The following TMEM117 variants were observed in gnomAD, a reference collection of about 807,000 sequenced individuals.
TMEM117 encodes the protein transmembrane protein 117.
In TMEM117, 27 loss-of-function variants were observed where a neutral mutation model predicts 52.4. The observed-to-expected ratio is 0.51, with a 90% CI of 0.38 to 0.71. The LOEUF (loss-of-function observed/expected upper bound fraction) is 0.71, where lower values mean the gene tolerates loss of function less well. TMEM117 is among the 30% of genes least tolerant of loss of function. TMEM117 has a pLI of 0.00. For missense variants in TMEM117, 556 were observed against 630.5 expected, an observed-to-expected ratio of 0.88 and a Z score of 1.26; for synonymous variants, 215 against 206.3, an observed-to-expected ratio of 1.04 and a Z score of -0.36.
intron 6 of TMEM117, among the ~76,000 whole-genome samples, chr12:44,364,697 A>C (rs2138818245): frequency 6.6e-6 from 1 of 152,244 alleles, no homozygotes; most frequent in South Asian, 2.1e-4. Flanking sequence ...CAAACAAGGA[A>C]GACTTAAGAT....
At chr12:44,268,026 T>A (rs1416252747) in intron 5 of TMEM117, among the ~76,000 whole-genome samples, 1 of 152,214 alleles carries the variant, frequency 6.6e-6, no homozygotes, top group Non-Finnish European at 1.5e-5. Context: ...AGTAGTGGGA[T>A]TCCTTGACCA....
At chr12:43,945,412 C>T (rs926008965) in intron 3 of TMEM117, among the ~76,000 whole-genome samples, 3 of 152,104 alleles carry the variant, frequency 2.0e-5, no homozygotes, top group Admixed American at 2.0e-4. Context: ...CCTCTGCCTC[C>T]CGGGTTCCAG....
At chr12:43,960,760 A>T (rs1945389407) in intron 3 of TMEM117, among the ~76,000 whole-genome samples, 1 of 152,188 alleles carries the variant, frequency 6.6e-6, no homozygotes. Context: ...AACTACATAG[A>T]GCAAAAATAA....
chr12:44,048,434 A>G (rs1206964019), intron 3 of TMEM117, among the ~76,000 whole-genome samples: 1 of 151,690 alleles, frequency 6.6e-6, no homozygotes, highest in Non-Finnish European at 1.5e-5. Context: ...TTTGAGATGG[A>G]TTTAGCTCAT....
chr12:44,177,269 C>A (rs891599421), intron 4 of TMEM117, among the ~76,000 whole-genome samples: 2 of 152,088 alleles, frequency 1.3e-5, no homozygotes, highest in African/African-American at 4.8e-5. Context: ...ATTGTATGTG[C>A]TGGGCAAAAT....
intron 3 of TMEM117, among the ~76,000 whole-genome samples, chr12:43,999,782 G>A (rs1356448244): frequency 2.0e-5 from 3 of 152,116 alleles, no homozygotes; most frequent in African/African-American, 4.8e-5. Context: ...GTGAGCCACC[G>A]TGCCCGGCTG....
intron 5 of TMEM117, among the ~76,000 whole-genome samples, chr12:44,231,273 A>G (rs1310096589): frequency 6.6e-6 from 1 of 151,822 alleles, no homozygotes; most frequent in Non-Finnish European, 1.5e-5. Flanking sequence ...TTCACTCATA[A>G]TAATGTTTGT....
intron 6 of TMEM117, among the ~76,000 whole-genome samples, chr12:44,348,775 A>G (rs1951524948): frequency 6.6e-6 from 1 of 151,962 alleles, no homozygotes; most frequent in African/African-American, 2.4e-5. Flanking sequence ...GGATCAAACT[A>G]ATAAAACCTC....
chr12:43,983,689 T>G (rs1945799446), intron 3 of TMEM117, among the ~76,000 whole-genome samples: 1 of 151,476 alleles, frequency 6.6e-6, no homozygotes, highest in Admixed American at 6.6e-5. Flanking sequence ...AGGGAATTAA[T>G]CTACATTGAG....
intron 6 of TMEM117, among the ~76,000 whole-genome samples, chr12:44,372,826 G>T (rs1263509092): frequency 6.6e-6 from 1 of 152,172 alleles, no homozygotes; most frequent in African/African-American, 2.4e-5. Flanking sequence ...CAGCTCTGCT[G>T]CATGGCACCT....
the TMEM117 span, chr12:43,802,328 T>A: frequency 6.3e-7 from 1 of 1,590,332 alleles, no homozygotes; most frequent in East Asian, 2.3e-5. Context: ...TCCATTCATA[T>A]CCCTGGGCAT....
At position 44,063,881 on chromosome 12, in the gene TMEM117, G is replaced by A. The variant is rs182102542; in HGVS notation, c.411-79644G>A. 4.5e-3 allele frequency among the ~76,000 whole-genome samples: 680 copies of A among 152,242 alleles called. 5 individuals carry two copies. The highest frequency in any genetic ancestry group is 0.015 in the African/African-American group (627 of 41,528). On this transcript the variant is annotated intron_variant, in intron 3 of 7. Transcript: ENST00000266534. ...AAGGTGGTTGCCAGGGGCAACCAGCGAAGGAGCTGTAAATTAATAGGCTTG... is the reference window on the plus strand; with the variant it reads ...AAGGTGGTTGCCAGGGGCAACCAGCAAAGGAGCTGTAAATTAATAGGCTTG...
chr12:44,169,346 A>G (rs900030652), intron 4 of TMEM117, among the ~76,000 whole-genome samples: 1 of 152,216 alleles, frequency 6.6e-6, no homozygotes, highest in Admixed American at 6.5e-5. Flanking sequence ...TGTTCTCACC[A>G]ACAGTTATTT....
chr12:43,887,848 CTGTGGCTGTAAGAGTAAATTA>C (rs1225729959), intron 2 of TMEM117, among the ~76,000 whole-genome samples: 1 of 152,174 alleles, frequency 6.6e-6, no homozygotes, highest in Non-Finnish European at 1.5e-5. Flanking sequence ...AGGAAAGGGG[CTGTGGCTGTAAGAGTAAATTA>C]TGTGGCTGCA....
At chr12:44,331,258 C>G (rs1333497358) in intron 6 of TMEM117, among the ~76,000 whole-genome samples, 1 of 151,410 alleles carries the variant, frequency 6.6e-6, no homozygotes, top group Non-Finnish European at 1.5e-5. Context: ...ACTATTTAAA[C>G]TCTTTGATCA....
chr12:43,955,380 A>G (rs1410657144), intron 3 of TMEM117, among the ~76,000 whole-genome samples: 3 of 152,192 alleles, frequency 2.0e-5, no homozygotes, highest in Non-Finnish European at 4.4e-5. Flanking sequence ...ACATTATCCT[A>G]TATGTAGAAA....
the TMEM117 span, chr12:43,805,934 A>C: frequency 6.6e-6 from 10 of 1,524,818 alleles, no homozygotes; most frequent in Non-Finnish European, 8.8e-6. Context: ...GGACGGTGGA[A>C]GGCACGCCCC....
chr12:44,316,392 A>G (rs2078368523), intron 6 of TMEM117, among the ~76,000 whole-genome samples: 1 of 152,124 alleles, frequency 6.6e-6, no homozygotes, highest in South Asian at 2.1e-4. Context: ...TCCCTTAAGG[A>G]TGCTGAAAAT....
At chr12:44,027,015 A>C (rs949573763) in intron 3 of TMEM117, among the ~76,000 whole-genome samples, 5 of 151,598 alleles carry the variant, frequency 3.3e-5, no homozygotes, top group Non-Finnish European at 7.4e-5. Flanking sequence ...CCCAAGATGC[A>C]ATATGAGTTG....
Sources: allele counts gnomAD v4.1 joint callset (sites outside exome capture counted in the v4.1 genomes callset), GRCh38; gene constraint gnomAD v4.1.1; transcripts MANE v1.5; gene names NCBI Gene and HGNC (gene_info 2026-07-23, HGNC 2026-07-21).